SMARCC1: variants seen among roughly 807,000 people sequenced by gnomAD.
SMARCC1 encodes the protein SWI/SNF complex subunit SMARCC1.
A neutral mutation model predicts 147.4 loss-of-function variants in SMARCC1; 43 were observed. That is an observed-to-expected ratio of 0.29 (90% CI 0.23 to 0.38). SMARCC1 has a LOEUF of 0.38. Among genes scored for constraint, SMARCC1 ranks in the 10% least tolerant of loss-of-function variants. The probability of loss-of-function intolerance (pLI) is 1.00; values close to 1 mark genes in which losing one functional copy is unlikely to be tolerated. For synonymous variants in SMARCC1, 495 were observed against 484.4 expected, an observed-to-expected ratio of 1.02 and a Z score of -0.29; for missense variants, 1,119 against 1,381.1, an observed-to-expected ratio of 0.81 and a Z score of 3.01.
At chr3:47,716,855 C>T (rs534583018) in intron 7 of SMARCC1, among the ~76,000 whole-genome samples, 8 of 152,310 alleles carry the variant, frequency 5.3e-5, no homozygotes, top group Non-Finnish European at 1.2e-4. Flanking sequence ...GTCACATGTA[C>T]TTGTAGTCCC....
intron 7 of SMARCC1, among the ~76,000 whole-genome samples, chr3:47,715,853 T>A (rs185176712): frequency 6.6e-6 from 1 of 152,270 alleles, no homozygotes; most frequent in East Asian, 1.9e-4. Flanking sequence ...CTACACAGAT[T>A]GCTCCCTCAC....
At chr3:47,634,351 G>A (rs1465360192) in intron 24 of SMARCC1, among the ~76,000 whole-genome samples, 2 of 152,186 alleles carry the variant, frequency 1.3e-5, no homozygotes, top group Non-Finnish European at 2.9e-5. Context: ...CAGTAATCTT[G>A]TAGTTTGAAT....
chr3:47,674,919 G>C (rs1057387579), intron 18 of SMARCC1, among the ~76,000 whole-genome samples: 3 of 151,674 alleles, frequency 2.0e-5, no homozygotes, highest in Non-Finnish European at 4.4e-5. Context: ...TTTAATAATA[G>C]AGACACAGTC....
At chr3:47,717,700 G>C (rs1244432117) in intron 7 of SMARCC1, among the ~76,000 whole-genome samples, 1 of 151,970 alleles carries the variant, frequency 6.6e-6, no homozygotes, top group Non-Finnish European at 1.5e-5. Context: ...CCAAGTATCT[G>C]GGACTACAGG....
chr3:47,757,732 C>T (rs1475847631), intron 2 of SMARCC1, among the ~76,000 whole-genome samples: 3 of 148,668 alleles, frequency 2.0e-5, no homozygotes, highest in Non-Finnish European at 3.0e-5. Flanking sequence ...TGCAGTGAGC[C>T]GAGATCCCGC....
At chr3:47,640,640 C>G (rs1427238796) in intron 21 of SMARCC1, among the ~76,000 whole-genome samples, 3 of 152,052 alleles carry the variant, frequency 2.0e-5, no homozygotes, top group Non-Finnish European at 4.4e-5. Flanking sequence ...CTGGGGAATT[C>G]TACCAAACTC....
chr3:47,672,898 C>T (rs1479651538), intron 18 of SMARCC1, among the ~76,000 whole-genome samples: 2 of 152,086 alleles, frequency 1.3e-5, no homozygotes, highest in Admixed American at 1.3e-4. Context: ...CGAGCTTCAG[C>T]CTCCTGAGTA....
At chr3:47,767,733 T>C (rs944639320) in intron 2 of SMARCC1, among the ~76,000 whole-genome samples, 1 of 150,380 alleles carries the variant, frequency 6.6e-6, no homozygotes, top group African/African-American at 2.4e-5. Flanking sequence ...CTGGGCGTGG[T>C]GGTGGGCGCC....
At chr3:47,698,055 CAG>C (rs2033875277) in intron 11 of SMARCC1, among the ~76,000 whole-genome samples, 1 of 62,990 alleles carries the variant, frequency 1.6e-5, no homozygotes, top group Admixed American at 1.7e-4. Context: ...TCCACAAATA[CAG>C]ACTAAAATAA....
chr3:47,626,377 C>T (rs987226393), intron 24 of SMARCC1, among the ~76,000 whole-genome samples: 3 of 148,550 alleles, frequency 2.0e-5, no homozygotes, highest in African/African-American at 7.4e-5. Flanking sequence ...AAATCCTGAT[C>T]TCATGTGATC....
At chr3:47,696,384 C>T (rs1020501643) in intron 11 of SMARCC1, among the ~76,000 whole-genome samples, 1 of 151,240 alleles carries the variant, frequency 6.6e-6, no homozygotes, top group Non-Finnish European at 1.5e-5. Context: ...AGAAACAAAA[C>T]AAAACAAAAA....
At chr3:47,760,614 A>C (rs1490900411) in intron 2 of SMARCC1, among the ~76,000 whole-genome samples, 1 of 151,956 alleles carries the variant, frequency 6.6e-6, no homozygotes, top group Non-Finnish European at 1.5e-5. Context: ...CAGTGAGCCA[A>C]GATTGTGCTA....
intron 14 of SMARCC1, 114 bp downstream of exon 14, chr3:47,685,935 C>G: frequency 2.5e-6 from 2 of 793,518 alleles, no homozygotes; most frequent in Non-Finnish European, 4.1e-6. Flanking sequence ...CTCCCTTCAT[C>G]CAAAGTGATA....
chr3:47,631,504 A>C (rs556424270), intron 24 of SMARCC1, among the ~76,000 whole-genome samples: 1 of 152,210 alleles, frequency 6.6e-6, no homozygotes, highest in Non-Finnish European at 1.5e-5. Context: ...AAAGACCCAG[A>C]TAGAAAGGAT....
chr3:47,756,969 A>T (rs1157194463), intron 2 of SMARCC1, among the ~76,000 whole-genome samples: 1 of 152,158 alleles, frequency 6.6e-6, no homozygotes, highest in African/African-American at 2.4e-5. Context: ...AGAAAAATTC[A>T]GCCAGGTATG....
At chr3:47,614,822 G>A (rs1489446557) in intron 25 of SMARCC1, among the ~76,000 whole-genome samples, 2 of 152,142 alleles carry the variant, frequency 1.3e-5, no homozygotes, top group Non-Finnish European at 2.9e-5. Context: ...TCAAGGTCCC[G>A]CAATTATTTC....
intron 22 of SMARCC1, among the ~76,000 whole-genome samples, chr3:47,638,314 C>T (rs945385728): frequency 6.6e-6 from 1 of 152,092 alleles, no homozygotes; most frequent in Non-Finnish European, 1.5e-5. Context: ...AGGACGGTCT[C>T]GATCTCTTGG....
intron 2 of SMARCC1, among the ~76,000 whole-genome samples, chr3:47,766,449 C>T (rs567845428): frequency 6.6e-6 from 1 of 151,674 alleles, no homozygotes; most frequent in South Asian, 2.1e-4. Context: ...GCATGCTTGT[C>T]CCAACTACTC....
chr3:47,622,648 C>A (rs1217997342), intron 24 of SMARCC1, among the ~76,000 whole-genome samples: 1 of 152,108 alleles, frequency 6.6e-6, no homozygotes, highest in Non-Finnish European at 1.5e-5. Flanking sequence ...ACTTTGCCAC[C>A]TACCACCCCA....
Sources: gnomAD v4.1 joint callset for allele counts (sites outside exome capture counted in the v4.1 genomes callset) on GRCh38, gnomAD v4.1.1 for gene constraint, MANE v1.5 for transcripts, NCBI Gene and HGNC (gene_info 2026-07-23, HGNC 2026-07-21) for gene names.